HMCN2: variants seen among roughly 807,000 people sequenced by gnomAD.
The protein encoded by HMCN2 is hemicentin-2.
A neutral mutation model predicts 377.5 loss-of-function variants in HMCN2; 325 were observed. The ratio of observed to expected loss-of-function variants is 0.86; its 90% CI spans 0.79 to 0.94. The LOEUF (loss-of-function observed/expected upper bound fraction) is 0.94. HMCN2 is among the 40% of genes least tolerant of loss of function. The pLI is 0.00. For missense variants in HMCN2, 4,543 were observed against 4,725.3 expected (o/e 0.96, Z 1.13); for synonymous variants, 2,007 against 2,046.8 (o/e 0.98, Z 0.53).
rs1838108211 is a variant in HMCN2 at position 130,325,888 on chromosome 9, TGCCC to T, written c.3112_3115del (p.Ala1038ArgfsTer33). Reference sequence around the variant, plus strand: ...GCACCCTGCTCATCGCCCAGCCGTCTGCCCAGGACGCAGGGGCCTACGTCTGCAC... The same window carrying T: ...GCACCCTGCTCATCGCCCAGCCGTCTAGGACGCAGGGGCCTACGTCTGCAC... On this transcript the variant is annotated frameshift_variant, in exon 21 of 98. Coordinates refer to ENST00000683500, the MANE Select transcript of HMCN2 (RefSeq NM_001291815.2). LOFTEE classifies it high-confidence loss of function. The T allele has an allele frequency of 6.6e-6, 1 of 152,318 alleles. No homozygotes were observed. Among genetic ancestry groups the T allele is most frequent in the Non-Finnish European group, 1.5e-5 (1 of 68,084 alleles). 9.4% of individuals were successfully genotyped at this position (152,318 alleles called of 1,614,324 possible).
intron 49 of HMCN2, 91 bp downstream of exon 49, chr9:130,374,784 A>T: frequency 1.8e-6 from 1 of 559,054 alleles, no homozygotes; most frequent in Non-Finnish European, 2.3e-6. Flanking sequence ...CCCACAAACC[A>T]TTCTACTATT....
Position 130,284,690 on chromosome 9 carries a change from C to T in HMCN2, c.330+17C>T, listed in dbSNP as rs1376410628. On this transcript the variant is annotated intron_variant, in intron 2 of 97. Transcript: ENST00000683500. ...TACGTGCAGGTGGGCAGCCCCTGAC[C>T]CTCTGTCCCACTCTTTCCAGTCTGT... is the stretch of plus-strand genomic sequence containing the variant. The T allele has an allele frequency of 4.2e-6, 2 of 470,916 alleles. No individual in the cohort carries two copies. The highest frequency in any genetic ancestry group is 2.0e-5 in the African/African-American group (1 of 50,038). The allele number at this position is 470,916 out of a possible 1,614,324, so 29.2% of individuals were successfully genotyped here.
chr9:130,429,346 C>T lies in HMCN2; in HGVS notation c.14198-211C>T, dbSNP rs150598404. 2.3e-5 allele frequency: 14 copies of T among 613,124 alleles called. No homozygotes were observed. In the African/African-American group the frequency reaches 2.4e-4, roughly 11 times the overall value. 38.0% of individuals were successfully genotyped at this position (613,124 alleles called of 1,614,324 possible). On this transcript the variant is annotated intron_variant, in intron 93 of 97. Transcript: ENST00000683500. Reference sequence around the variant, plus strand: ...ACTCTGCCCACAAAGGGCCTTTCAGCCCCTTCCTTTCTCTGGGACCTGGAA... The same window carrying T: ...ACTCTGCCCACAAAGGGCCTTTCAGTCCCTTCCTTTCTCTGGGACCTGGAA...
At chr9:130,368,659 A>G (rs958516221) in intron 44 of HMCN2, among the ~76,000 whole-genome samples, 1 of 152,062 alleles carries the variant, frequency 6.6e-6, no homozygotes, top group South Asian at 2.1e-4. Flanking sequence ...ACAGTTCCAC[A>G]TGGCTGGGGA....
rs1000769946 is a variant in HMCN2 at position 130,355,752 on chromosome 9, C to A, written c.5153C>A (p.Pro1718Gln). 1.5e-6 allele frequency: 2 copies of A among 1,302,952 alleles called. No homozygotes were observed. Among genetic ancestry groups the A allele is most frequent in the Non-Finnish European group, 2.0e-6 (2 of 988,666 alleles). The allele number at this position is 1,302,952 out of a possible 1,614,324, so 80.7% of individuals were successfully genotyped here. Reference sequence around the variant, plus strand: ...GAGTGTGTTCTGCCTGCAGTGCCCCCACAGCTCCTGGTGGCTGAAGGCTTG... The same window carrying A: ...GAGTGTGTTCTGCCTGCAGTGCCCCAACAGCTCCTGGTGGCTGAAGGCTTG... ...LQYSVEVQVP[P>Q]QLLVAEGLGQ... Residue 1718 changes from proline to glutamine, a missense_variant, in exon 33 of 98, where the codon CCA becomes CAA. By Grantham distance (76) the Pro-to-Gln change is moderately conservative. Coordinates refer to ENST00000683500, the MANE Select transcript of HMCN2 (RefSeq NM_001291815.2).
In HMCN2 at chr9:130,432,441, G is replaced by T; in HGVS notation, c.14780G>T (p.Cys4927Phe). 1 of 1,551,088 alleles carries T rather than the reference G, an allele frequency of 6.4e-7. No individual in the cohort carries two copies. Among genetic ancestry groups the T allele is most frequent in the Non-Finnish European group, 8.7e-7 (1 of 1,147,104 alleles). The part of the protein sequence containing the change: ...SGKNCQDINE[C>F]EEESIECGPG... ...CTTCCCCATCCAGACATCAACGAGT[G>T]CGAGGAGGAGAGCATCGAGTGTGGA... The change falls in exon 97 of 98, where the codon TGC becomes TTC. Residue 4927 changes from cysteine to phenylalanine, a missense_variant. Physicochemically the swap from Cys to Phe is radical, Grantham distance 205. Around this residue, in one of 5 missense-constraint regions of HMCN2, gnomAD observed 1,155 missense variants for 1,157.7 expected, o/e 1.00. Coordinates refer to ENST00000683500, the MANE Select transcript of HMCN2 (RefSeq NM_001291815.2).
intron 4 of HMCN2, among the ~76,000 whole-genome samples, chr9:130,289,640 A>G (rs1588179190): frequency 6.6e-6 from 1 of 152,240 alleles, no homozygotes; most frequent in South Asian, 2.1e-4. Flanking sequence ...CCTTGGTAAG[A>G]GTTCACGATG....
intron 18 of HMCN2, among the ~76,000 whole-genome samples, 177 bp from the exon 19 acceptor site, chr9:130,321,610 C>T (rs1837855832): frequency 6.6e-6 from 1 of 152,138 alleles, no homozygotes; most frequent in African/African-American, 2.4e-5. Context: ...CTCTGGAGGG[C>T]TTGACTGGGC....
At chr9:130,389,955 CGTGTT>C (rs1842219872) in intron 62 of HMCN2, among the ~76,000 whole-genome samples, 1 of 152,188 alleles carries the variant, frequency 6.6e-6, no homozygotes, top group Admixed American at 6.5e-5. Context: ...GGCTGTGTCG[CGTGTT>C]GTGCATCCAC....
Position 130,423,144 on chromosome 9 carries a change from C to T in HMCN2, c.13381+418C>T, listed in dbSNP as rs1042788196. On this transcript the variant is annotated intron_variant, in intron 87 of 97. Coordinates refer to ENST00000683500, the MANE Select transcript of HMCN2 (RefSeq NM_001291815.2). The surrounding 1 kb of genome is among the most constrained non-coding windows in gnomAD (Gnocchi z 5.5). ...GGTGCAGGCTGGAGGTGACGGGAAG[C>T]GGGAAACATGGAGAATTGAATTGCC... Among the ~76,000 whole-genome samples the T allele has an allele frequency of 6.6e-6, 1 of 151,976 alleles. No homozygotes were observed. The highest frequency in any genetic ancestry group is 1.5e-5 in the Non-Finnish European group (1 of 68,002).
rs757829529 is a variant in HMCN2, at chr9:130,395,959, G to A, written c.10947G>A (p.Arg3649=). ...DAHTQFPERG[R]FLQLQALSTA... is the part of the protein sequence containing the mutation. ...ACACACAATTCCCGGAGCGGGGCAG[G>A]TTCCTCCAGCTGCAGGCCCTGAGCA... The change falls in exon 72 of 98, where the codon AGG becomes AGA. Residue 3649 remains arginine, a synonymous_variant. Transcript: ENST00000683500. The A allele has an allele frequency of 1.2e-4, 151 of 1,287,470 alleles. No homozygotes were observed. The highest frequency in any genetic ancestry group is 1.4e-4 in the Non-Finnish European group (143 of 988,742). 79.8% of individuals were successfully genotyped at this position (1,287,470 alleles called of 1,614,324 possible).
chr9:130,418,944 G>T lies in HMCN2; in HGVS notation c.13134G>T (p.Trp4378Cys). The T allele has an allele frequency of 6.5e-7, 1 of 1,540,570 alleles. No individual in the cohort carries two copies. The highest frequency in any genetic ancestry group is 8.8e-7 in the Non-Finnish European group (1 of 1,141,816). Residue 4378 changes from tryptophan (W) to cysteine (C), a missense_variant, in exon 86 of 98, where the codon TGG (tryptophan) becomes TGT (cysteine). Physicochemically the swap from Trp to Cys is radical, Grantham distance 215. This residue lies in a region of HMCN2 where 1,155 missense variants were observed against 1,157.7 expected (regional missense o/e 1.00). Coordinates refer to ENST00000683500, the MANE Select transcript of HMCN2 (RefSeq NM_001291815.2). ...GGACCCTGCCCGATGGGAGCCTGTG[G>T]CTGGAGAACGTGGAGACTGGGGATG... The part of the protein sequence containing the change: ...RLRTLPDGSL[W>C]LENVETGDAG...
chr9:130,266,739 C>T (rs2131195684), intron 1 of HMCN2, among the ~76,000 whole-genome samples: 1 of 152,360 alleles, frequency 6.6e-6, no homozygotes, highest in East Asian at 1.9e-4. Context: ...TGGCCTCCAC[C>T]TGCTGTGTTC....
Position 130,423,465 on chromosome 9 carries a change from T to G in HMCN2, c.13381+739T>G, listed in dbSNP as rs950944076. ...GAGCTGGCTGTCAGCAGACAGCAGA[T>G]GAAGCGAGACGCTGCCCAGACATGG... On this transcript the variant is annotated intron_variant, in intron 87 of 97. Coordinates refer to ENST00000683500, the MANE Select transcript of HMCN2 (RefSeq NM_001291815.2). The surrounding 1 kb of genome is among the most constrained non-coding windows in gnomAD (Gnocchi z 5.5). Among the ~76,000 whole-genome samples the G allele has an allele frequency of 2.0e-5, 3 of 152,206 alleles. No individual in the cohort carries two copies. In the East Asian group the frequency reaches 5.8e-4, roughly 29 times the overall value.
At chr9:130,379,545 C>A in intron 54 of HMCN2, 78 bp downstream of exon 54, 1 of 606,660 alleles carries the variant, frequency 1.6e-6, no homozygotes, top group Non-Finnish European at 2.1e-6. Context: ...TTAAGCAGAG[C>A]ACACAACCAC....
At position 130,394,367 on chromosome 9, in the gene HMCN2, C is replaced by G; in HGVS notation, c.10502-18C>G. On this transcript the variant is annotated intron_variant, in intron 68 of 97. Coordinates refer to ENST00000683500, the MANE Select transcript of HMCN2 (RefSeq NM_001291815.2). This position sits in a 1 kb window ranked among gnomAD's most constrained non-coding sequence, Gnocchi z 5.1. ...AAATGTGTGTCAATTGTGTGTTCCC[C>G]TCCATGGTGGCTTGCAGAGCCCCCT... 1 of 1,284,906 alleles carries G rather than the reference C, an allele frequency of 7.8e-7. No individual in the cohort carries two copies. The highest frequency in any genetic ancestry group is 1.0e-6 in the Non-Finnish European group (1 of 984,820). 79.6% of individuals were successfully genotyped at this position (1,284,906 alleles called of 1,614,324 possible).
In HMCN2 at chr9:130,423,826, G is replaced by A. The variant is rs1844158636; in HGVS notation, c.13382-950G>A. On this transcript the variant is annotated intron_variant, in intron 87 of 97. Transcript: ENST00000683500. This position sits in a 1 kb window ranked among gnomAD's most constrained non-coding sequence, Gnocchi z 5.5. Reference sequence around the variant, plus strand: ...TTTGGAACAAACCGGGGCTGGTCCAGAAGGGATCTGCAAGTTAGAAAAGTT... The same window carrying A: ...TTTGGAACAAACCGGGGCTGGTCCAAAAGGGATCTGCAAGTTAGAAAAGTT... Among the ~76,000 whole-genome samples the A allele has an allele frequency of 1.3e-5, 2 of 152,242 alleles. No individual in the cohort carries two copies. The highest frequency in any genetic ancestry group is 1.3e-4 in the Admixed American group (2 of 15,288).
rs1839729899 is a variant in HMCN2 at position 130,351,765 on chromosome 9, C to T, written c.4585+188C>T. On this transcript the variant is annotated intron_variant, in intron 30 of 97. Coordinates refer to ENST00000683500, the MANE Select transcript of HMCN2 (RefSeq NM_001291815.2). The surrounding 1 kb of genome is among the most constrained non-coding windows in gnomAD (Gnocchi z 5.4). ...GTCAGGGGATAGAGGTTATCTGGCC[C>T]AGCATTTTCCAAATCCGTGGTTTCC... Among the ~76,000 whole-genome samples the T allele has an allele frequency of 6.6e-6, 1 of 151,732 alleles. No homozygotes were observed. Among genetic ancestry groups the T allele is most frequent in the Admixed American group, 6.6e-5 (1 of 15,248 alleles).
At chr9:130,271,142 A>G (rs1834385134) in intron 1 of HMCN2, among the ~76,000 whole-genome samples, 1 of 149,010 alleles carries the variant, frequency 6.7e-6, no homozygotes, top group African/African-American at 2.4e-5. Flanking sequence ...TCAAGAGCAC[A>G]CGCTATCACG....
Sources: allele counts gnomAD v4.1 joint callset (sites outside exome capture counted in the v4.1 genomes callset), GRCh38; gene constraint gnomAD v4.1.1; regional missense constraint gnomAD v4.1.1; non-coding constraint Gnocchi (gnomAD v3.1); transcripts MANE v1.5; gene names NCBI Gene and HGNC (gene_info 2026-07-23, HGNC 2026-07-21).